The following PTCD2 variants were observed in gnomAD, a reference collection of about 807,000 sequenced individuals.
The protein encoded by PTCD2 is pentatricopeptide repeat domain 2.
PTCD2 carries 31 observed loss-of-function variants against 42.6 expected under a neutral mutation model. That is an observed-to-expected ratio of 0.73 (90% CI 0.55 to 0.98). PTCD2 has a LOEUF of 0.98. Among genes scored for constraint, PTCD2 ranks in the 50% least tolerant of loss-of-function variants. The pLI, the probability that PTCD2 is intolerant of heterozygous loss-of-function variation, is 0.00. For missense variants in PTCD2, 476 were observed against 454.8 expected (o/e 1.05, Z -0.42); for synonymous variants, 183 against 170.9 (o/e 1.07, Z -0.55).
At chr5:72,340,535 TA>T (rs2112181318) in intron 7 of PTCD2, among the ~76,000 whole-genome samples, 1 of 152,348 alleles carries the variant, frequency 6.6e-6, no homozygotes, top group East Asian at 1.9e-4. Flanking sequence ...ACTATAGCCA[TA>T]CTCCCAACTT....
intron 1 of PTCD2, among the ~76,000 whole-genome samples, chr5:72,321,655 C>G (rs752809658): frequency 4.6e-5 from 7 of 152,154 alleles, no homozygotes; most frequent in African/African-American, 7.2e-5. Context: ...CCATGTATCT[C>G]AAATGTATTT....
intron 4 of PTCD2, 80 bp from the exon 5 acceptor site, chr5:72,334,938 G>C: frequency 1.2e-6 from 1 of 817,338 alleles, no homozygotes. Context: ...ATAAGACCTG[G>C]CTAGATAAGA....
chr5:72,344,187 G>GA (rs1752229603), intron 8 of PTCD2, among the ~76,000 whole-genome samples: 1 of 152,114 alleles, frequency 6.6e-6, no homozygotes, highest in Non-Finnish European at 1.5e-5. Context: ...TATTTGTTGG[G>GA]ATATTGGTTT....
chr5:72,342,889 CCTCT>C, intron 7 of PTCD2, 69 bp from the exon 8 acceptor site: 1 of 851,992 alleles, frequency 1.2e-6, no homozygotes, highest in South Asian at 1.9e-5. Context: ...AATATACTGC[CCTCT>C]CTAAGTGATC....
Position 72,361,498 on chromosome 5 carries a change from A to C in PTCD2, c.*3071A>C, listed in dbSNP as rs970175075. 1.3e-5 allele frequency: 2 copies of C among 152,200 alleles called. No individual in the cohort carries two copies. The highest frequency in any genetic ancestry group is 2.9e-5 in the Non-Finnish European group (2 of 68,054). The allele number at this position is 152,200 out of a possible 1,614,324, so 9.4% of individuals were successfully genotyped here. On this transcript the variant is annotated 3_prime_UTR_variant, in exon 10 of 10. Transcript: ENST00000380639. ...TGACTGTCCCAAGAGGACCAGGCAG[A>C]AGCAGTTACATTTTATGACCTAGTC...
At chr5:72,337,528 G>T (rs1313467370) in intron 6 of PTCD2, among the ~76,000 whole-genome samples, 2 of 152,120 alleles carry the variant, frequency 1.3e-5, no homozygotes, top group African/African-American at 4.8e-5. Flanking sequence ...ATGCACAGTG[G>T]CTCACACCTG....
rs2112260900 is a variant in PTCD2, at chr5:72,365,343, G to C, written c.*6916G>C. 1 of 152,220 alleles carries C rather than the reference G, an allele frequency of 6.6e-6. No individual in the cohort carries two copies. The highest frequency in any genetic ancestry group is 1.9e-4 in the East Asian group (1 of 5,170). 9.4% of individuals were successfully genotyped at this position (152,220 alleles called of 1,614,324 possible). A position where few individuals can be genotyped will look rare whatever the true frequency, so the allele number is the denominator to read the frequency against. ...TTGTCTTCCCTGATTCCTTTTTCCT[G>C]ACTGAATCAGGCCAAGATGCTCACC... On this transcript the variant is annotated 3_prime_UTR_variant, in exon 10 of 10. Coordinates refer to ENST00000380639, the MANE Select transcript of PTCD2 (RefSeq NM_024754.5).
In PTCD2 at chr5:72,358,257, G is replaced by C. The variant is rs1387200420; in HGVS notation, c.997G>C (p.Asp333His). ...KDVPALVAKF[D>H]EIYGTLHITG... Reference sequence around the variant, plus strand: ...TGTGCCTGCCCTTGTGGCCAAATTTGATGAGATCTATGGGACACTGCACAT... The same window carrying C: ...TGTGCCTGCCCTTGTGGCCAAATTTCATGAGATCTATGGGACACTGCACAT... The change falls in exon 10 of 10, where the codon GAT (aspartate) becomes CAT (histidine). Residue 333 changes from aspartate to histidine, a missense_variant. Transcript: ENST00000380639. The C allele has an allele frequency of 6.2e-7, 1 of 1,614,106 alleles. No individual in the cohort carries two copies. The highest frequency in any genetic ancestry group is 8.5e-7 in the Non-Finnish European group (1 of 1,179,996).
At chr5:72,327,005 A>G (rs1751176639) in intron 3 of PTCD2, among the ~76,000 whole-genome samples, 1 of 152,176 alleles carries the variant, frequency 6.6e-6, no homozygotes, top group African/African-American at 2.4e-5. Flanking sequence ...TATCACTGAC[A>G]TATCCCCTAG....
chr5:72,341,586 A>G (rs779031806), intron 7 of PTCD2, among the ~76,000 whole-genome samples: 2 of 151,940 alleles, frequency 1.3e-5, no homozygotes, highest in Non-Finnish European at 2.9e-5. Context: ...TAAATAAATA[A>G]ATAAAACAGG....
intron 3 of PTCD2, among the ~76,000 whole-genome samples, chr5:72,330,504 C>A (rs1751389318): frequency 6.6e-6 from 1 of 152,098 alleles, no homozygotes; most frequent in Non-Finnish European, 1.5e-5. Context: ...TTTCTAAAAT[C>A]TGATTTATGT....
intron 9 of PTCD2, among the ~76,000 whole-genome samples, chr5:72,353,089 C>T (rs1325108503): frequency 1.3e-5 from 2 of 152,202 alleles, no homozygotes; most frequent in African/African-American, 2.4e-5. Context: ...TCACTTTTCA[C>T]TCTCAGTTGA....
Position 72,320,397 on chromosome 5 carries a change from T to C in PTCD2, c.15T>C (p.Ser5=), listed in dbSNP as rs749394265. The C allele has an allele frequency of 6.2e-7, 1 of 1,613,990 alleles. No homozygotes were observed. Among genetic ancestry groups the C allele is most frequent in the African/African-American group, 1.3e-5 (1 of 74,898 alleles). ...CAGTAGTTGGTATGGTCCGAGACAG[T>C]ATGGCTGCTGCATTTCGGCCCTCGA... MVRD[S]MAAAFRPSNR... The change falls in exon 1 of 10, where the codon AGT becomes AGC. Residue 5 remains serine, a synonymous_variant. Coordinates refer to ENST00000380639, the MANE Select transcript of PTCD2 (RefSeq NM_024754.5).
At chr5:72,320,724 G>A (rs1392785842) in intron 1 of PTCD2, 2 of 620,514 alleles carry the variant, frequency 3.2e-6, no homozygotes, top group Non-Finnish European at 5.6e-6. Flanking sequence ...CTGGGGTATT[G>A]ACCTTGGGGC....
chr5:72,346,517 T>G (rs1752367344), intron 8 of PTCD2, among the ~76,000 whole-genome samples: 1 of 152,166 alleles, frequency 6.6e-6, no homozygotes, highest in African/African-American at 2.4e-5. Context: ...AAGCAGAAAC[T>G]ACAGGTCTGA....
chr5:72,322,402 T>G, intron 2 of PTCD2, 138 bp downstream of exon 2: 1 of 632,468 alleles, frequency 1.6e-6, no homozygotes, highest in East Asian at 2.7e-5. Context: ...AGTTTCATAG[T>G]GAACTCTTAT....
chr5:72,355,090 G>T (rs960724697), intron 9 of PTCD2, among the ~76,000 whole-genome samples: 5 of 152,072 alleles, frequency 3.3e-5, no homozygotes, highest in African/African-American at 1.2e-4. Context: ...TGGTTATGTT[G>T]ATTTCTTTTT....
chr5:72,344,233 G>T (rs1455938635), intron 8 of PTCD2, among the ~76,000 whole-genome samples: 1 of 152,128 alleles, frequency 6.6e-6, no homozygotes. Flanking sequence ...ATGAACTGTG[G>T]CTGGGCACGG....
At position 72,352,635 on chromosome 5, in the gene PTCD2, A is replaced by T. The variant is rs373098808; in HGVS notation, c.829-6A>T. 9 of 1,401,226 alleles carry T rather than the reference A, an allele frequency of 6.4e-6. No homozygotes were observed. Among genetic ancestry groups the T allele is most frequent in the African/African-American group, 1.4e-5 (1 of 70,146 alleles). The allele number at this position is 1,401,226 out of a possible 1,614,324, so 86.8% of individuals were successfully genotyped here. ...TTGGTTTTGCTTGTGTCTTCTTAATATTCAGATTATAATCCATATCCAGTC... is the reference window on the plus strand; with the variant it reads ...TTGGTTTTGCTTGTGTCTTCTTAATTTTCAGATTATAATCCATATCCAGTC... On this transcript the variant is annotated splice_polypyrimidine_tract_variant and splice_region_variant and intron_variant, in intron 8 of 9. Transcript: ENST00000380639.
Sources: allele counts gnomAD v4.1 joint callset (sites outside exome capture counted in the v4.1 genomes callset), GRCh38; gene constraint gnomAD v4.1.1; transcripts MANE v1.5; gene names NCBI Gene and HGNC (gene_info 2026-07-23, HGNC 2026-07-21).